The following PCCA variants were observed in gnomAD, a reference collection of about 807,000 sequenced individuals.
PCCA encodes propionyl-CoA carboxylase alpha chain, mitochondrial.
Under a neutral mutation model 101.3 loss-of-function variants are expected in PCCA, and 74 were observed. The observed-to-expected ratio is 0.73, with a 90% CI of 0.61 to 0.89. The LOEUF is 0.89. PCCA is among the 40% of genes least tolerant of loss of function. The probability of loss-of-function intolerance (pLI) is 0.00; values close to 1 mark genes in which losing one functional copy is unlikely to be tolerated. For missense variants in PCCA, 891 were observed against 907.0 expected, an observed-to-expected ratio of 0.98 and a Z score of 0.23; for synonymous variants, 294 against 313.6, an observed-to-expected ratio of 0.94 and a Z score of 0.66.
At chr13:100,509,898 T>C (rs549220490) in intron 21 of PCCA, among the ~76,000 whole-genome samples, 24 of 152,220 alleles carry the variant, frequency 1.6e-4, no homozygotes, top group Admixed American at 1.6e-3. Context: ...GGAAAGAATT[T>C]GTTTTTGCCC....
intron 21 of PCCA, among the ~76,000 whole-genome samples, chr13:100,496,436 A>G (rs970969948): frequency 1.3e-5 from 2 of 151,730 alleles, no homozygotes; most frequent in Non-Finnish European, 2.9e-5. Flanking sequence ...ATGGCTCTCA[A>G]TTTGGATTCA....
At chr13:100,213,520 G>A (rs570596705) in intron 7 of PCCA, among the ~76,000 whole-genome samples, 1 of 152,204 alleles carries the variant, frequency 6.6e-6, no homozygotes, top group East Asian at 1.9e-4. Context: ...TTTAACATTT[G>A]TATGTCTTCT....
intron 20 of PCCA, among the ~76,000 whole-genome samples, chr13:100,436,558 T>C (rs1309521793): frequency 6.6e-6 from 1 of 152,242 alleles, no homozygotes; most frequent in East Asian, 1.9e-4. Flanking sequence ...TTCCTTTCAA[T>C]TTAGTTCTAG....
intron 7 of PCCA, among the ~76,000 whole-genome samples, chr13:100,217,854 A>C (rs891437264): frequency 2.0e-5 from 3 of 150,706 alleles, no homozygotes; most frequent in Non-Finnish European, 4.4e-5. Context: ...AAAAAAATCC[A>C]TCTGAGGTCA....
intron 6 of PCCA, among the ~76,000 whole-genome samples, chr13:100,197,094 A>C (rs1339491626): frequency 1.3e-5 from 2 of 152,216 alleles, no homozygotes; most frequent in African/African-American, 2.4e-5. Context: ...TGCAGTGTTG[A>C]CTAGTACCAG....
In PCCA at chr13:100,368,501, A is replaced by G. The variant is rs751755658; in HGVS notation, c.1673A>G (p.Asn558Ser). ...RMPVIKPDIANWELSVKLHDK... is the reference protein window; with the variant it reads ...RMPVIKPDIASWELSVKLHDK... ...CCTGTTATTAAACCAGACATAGCCA[A>G]CTGGGAGCTCTCAGTAAAATTGCAT... Residue 558 changes from asparagine to serine, a missense_variant, in exon 19 of 24, where the codon AAC (asparagine) becomes AGC (serine). Transcript: ENST00000376285. 1 of 1,608,566 alleles carries G rather than the reference A, an allele frequency of 6.2e-7. No homozygotes were observed. Among genetic ancestry groups the G allele is most frequent in the Non-Finnish European group, 8.5e-7 (1 of 1,175,594 alleles).
chr13:100,183,788 G>T (rs1236443275), intron 6 of PCCA, among the ~76,000 whole-genome samples: 1 of 152,116 alleles, frequency 6.6e-6, no homozygotes, highest in African/African-American at 2.4e-5. Context: ...GGGGCCCTGG[G>T]TACTGGGCTT....
At chr13:100,132,377 TTC>T (rs2050635148) in intron 4 of PCCA, among the ~76,000 whole-genome samples, 1 of 125,190 alleles carries the variant, frequency 8.0e-6, no homozygotes. Flanking sequence ...ACGGATGTGT[TTC>T]CCATCACTAT....
At position 100,324,808 on chromosome 13, in the gene PCCA, A is replaced by T. The variant is rs147871781; in HGVS notation, c.1430-5753A>T. Reference sequence around the variant, plus strand: ...CTGCTTAAAACACCATGTGATGCTGATCACCGCTGTGTGATCAGTTCTCTC... The same window carrying T: ...CTGCTTAAAACACCATGTGATGCTGTTCACCGCTGTGTGATCAGTTCTCTC... On this transcript the variant is annotated intron_variant, in intron 16 of 23. Coordinates refer to ENST00000376285, the MANE Select transcript of PCCA (RefSeq NM_000282.4). Among the ~76,000 whole-genome samples, 1,260 of 152,274 alleles carry T rather than the reference A, an allele frequency of 8.3e-3. 9 individuals are homozygous for T. Among genetic ancestry groups the T allele is most frequent in the Middle Eastern group, 0.051 (15 of 294 alleles).
intron 1 of PCCA, among the ~76,000 whole-genome samples, chr13:100,093,453 G>GTAGT (rs2046455050): frequency 6.6e-6 from 1 of 152,172 alleles, no homozygotes; most frequent in South Asian, 2.1e-4. Flanking sequence ...ATTTCAAGAA[G>GTAGT]TAGTTAGCAT....
In PCCA at chr13:100,122,611, G is replaced by A. The variant is rs182466759; in HGVS notation, c.300+10550G>A. The stretch of plus-strand genomic sequence containing the variant: ...TCAAAGTTTCTAGCTTATTGGTATA[G>A]TATTTTCTTATTTTTATTTTATAAG... On this transcript the variant is annotated intron_variant, in intron 4 of 23. Coordinates refer to ENST00000376285, the MANE Select transcript of PCCA (RefSeq NM_000282.4). Among the ~76,000 whole-genome samples, 10 of 152,170 alleles carry A rather than the reference G, an allele frequency of 6.6e-5. No individual in the cohort carries two copies. In the East Asian group the frequency reaches 1.9e-3, roughly 29 times the overall value.
chr13:100,423,239 T>G (rs1253856345), intron 19 of PCCA, among the ~76,000 whole-genome samples: 1 of 152,204 alleles, frequency 6.6e-6, no homozygotes, highest in African/African-American at 2.4e-5. Flanking sequence ...GCCCCTTCAG[T>G]GACCCTTGAC....
chr13:100,279,338 T>C (rs1349338569), intron 12 of PCCA, among the ~76,000 whole-genome samples: 2 of 152,206 alleles, frequency 1.3e-5, no homozygotes, highest in Non-Finnish European at 2.9e-5. Flanking sequence ...TTTTTTAGAA[T>C]GTATCTGTGT....
intron 19 of PCCA, among the ~76,000 whole-genome samples, chr13:100,404,338 A>G (rs1035355842): frequency 3.3e-5 from 5 of 152,192 alleles, no homozygotes; most frequent in Non-Finnish European, 5.9e-5. Flanking sequence ...CCCAGTCCTA[A>G]GCCAACCCGT....
intron 20 of PCCA, among the ~76,000 whole-genome samples, chr13:100,432,220 G>C (rs1399215980): frequency 6.6e-6 from 1 of 152,092 alleles, no homozygotes; most frequent in African/African-American, 2.4e-5. Context: ...AATGATAGTC[G>C]TGCTTCTCTT....
chr13:100,214,791 T>A (rs1236730562), intron 7 of PCCA, among the ~76,000 whole-genome samples: 7 of 152,126 alleles, frequency 4.6e-5, no homozygotes, highest in African/African-American at 1.4e-4. Context: ...TTTTATTTTA[T>A]TTTATTTTAT....
At chr13:100,328,404 A>G (rs4771361) in intron 16 of PCCA, among the ~76,000 whole-genome samples, 69,128 of 144,102 alleles carry the variant, frequency 0.48, 16,746 homozygotes, top group Middle Eastern at 0.54. Context: ...TAATAATAAT[A>G]ATGATGATAA....
At position 100,201,875 on chromosome 13, in the gene PCCA, A is replaced by C. The variant is rs993437071; in HGVS notation, c.469-7457A>C. Among the ~76,000 whole-genome samples the C allele has an allele frequency of 3.5e-3, 523 of 150,682 alleles. 12 individuals carry two copies. The highest frequency in any genetic ancestry group is 0.015 in the East Asian group (77 of 5,114). On this transcript the variant is annotated intron_variant, in intron 6 of 23. Coordinates refer to ENST00000376285, the MANE Select transcript of PCCA (RefSeq NM_000282.4). ...TGCGTCTCAAAAAAAAAAAAAAAAAAAAAAAAAAAAAAACCAAAAGCAGGG... is the reference window on the plus strand; with the variant it reads ...TGCGTCTCAAAAAAAAAAAAAAAAACAAAAAAAAAAAAACCAAAAGCAGGG...
chr13:100,337,787 C>T (rs899865287), intron 17 of PCCA, among the ~76,000 whole-genome samples: 2 of 152,164 alleles, frequency 1.3e-5, no homozygotes, highest in Non-Finnish European at 2.9e-5. Context: ...TCCTCCCTTG[C>T]TGATGGTATA....
Sources: allele counts gnomAD v4.1 joint callset (sites outside exome capture counted in the v4.1 genomes callset), GRCh38; gene constraint gnomAD v4.1.1; transcripts MANE v1.5; gene names NCBI Gene and HGNC (gene_info 2026-07-23, HGNC 2026-07-21).